LRP1B: variants seen among roughly 807,000 people sequenced by gnomAD.
The protein encoded by LRP1B is low-density lipoprotein receptor-related protein 1B.
Under a neutral mutation model 556.6 loss-of-function variants are expected in LRP1B, and 217 were observed. The ratio of observed to expected loss-of-function variants is 0.39; its 90% CI spans 0.35 to 0.44. The LOEUF is 0.44. Ranked by LOEUF, LRP1B falls within the 20% of genes least tolerant of loss-of-function variation. The pLI, the probability that LRP1B is intolerant of heterozygous loss-of-function variation, is 1.00. For synonymous variants in LRP1B, 2,047 were observed against 1,865.8 expected, an observed-to-expected ratio of 1.10 and a Z score of -2.50; for missense variants, 5,053 against 5,620.8, an observed-to-expected ratio of 0.90 and a Z score of 3.23.
intron 31 of LRP1B, among the ~76,000 whole-genome samples, chr2:140,835,515 A>G (rs115285640): frequency 0.011 from 1,700 of 152,016 alleles, 41 homozygotes; most frequent in African/African-American, 0.039. Flanking sequence ...CTTCAGTCAC[A>G]TTGCTCTTTT....
At position 140,270,356 on chromosome 2, in the gene LRP1B, CAA is replaced by C; in HGVS notation, c.13143-12_13143-11del. The stretch of plus-strand genomic sequence containing the variant: ...CTTTCCATTAGTGCAGCTGCAACAA[CAA>C]AGAAAAAAAGAACAATTTCATTGTT... On this transcript the variant is annotated splice_polypyrimidine_tract_variant and intron_variant, in intron 85 of 90. Transcript: ENST00000389484. 1.3e-6 allele frequency: 2 copies of C among 1,560,228 alleles called. No homozygotes were observed.
At chr2:141,443,046 A>G (rs1681045025) in intron 3 of LRP1B, among the ~76,000 whole-genome samples, 1 of 152,118 alleles carries the variant, frequency 6.6e-6, no homozygotes, top group South Asian at 2.1e-4. Flanking sequence ...CACCCCACCA[A>G]CCGTGTAAAA....
chr2:141,573,427 T>C (rs1686608241), intron 2 of LRP1B, among the ~76,000 whole-genome samples: 3 of 152,110 alleles, frequency 2.0e-5, no homozygotes, highest in African/African-American at 7.2e-5. Context: ...CCAGAATTTC[T>C]GGTACACAGC....
At chr2:141,609,213 T>G (rs1029588502) in intron 2 of LRP1B, among the ~76,000 whole-genome samples, 1 of 152,202 alleles carries the variant, frequency 6.6e-6, no homozygotes, top group Non-Finnish European at 1.5e-5. Context: ...CAAATTCAAG[T>G]TACCAACATA....
At chr2:141,389,124 G>A (rs1269657544) in intron 3 of LRP1B, among the ~76,000 whole-genome samples, 1 of 152,014 alleles carries the variant, frequency 6.6e-6, no homozygotes, top group Non-Finnish European at 1.5e-5. Context: ...AAATAGAAAA[G>A]CCAATCCTCA....
At chr2:141,902,050 GAAA>G (rs1558950017) in intron 1 of LRP1B, among the ~76,000 whole-genome samples, 2 of 96,872 alleles carry the variant, frequency 2.1e-5, no homozygotes, top group Non-Finnish European at 4.3e-5. Flanking sequence ...TGATAATCAT[GAAA>G]AAAGAAATAA....
At chr2:141,363,475 A>G (rs2714176) in intron 3 of LRP1B, among the ~76,000 whole-genome samples, 68,040 of 151,954 alleles carry the variant, frequency 0.45, 16,930 homozygotes, top group Non-Finnish European at 0.57. Context: ...TATTTTCGTT[A>G]CTAAATTGAA....
chr2:141,530,219 C>T (rs1684823643), intron 2 of LRP1B, among the ~76,000 whole-genome samples: 1 of 151,982 alleles, frequency 6.6e-6, no homozygotes, highest in Non-Finnish European at 1.5e-5. Flanking sequence ...ATGCCTATAA[C>T]TGTTTTCTAA....
Position 141,921,763 on chromosome 2 carries a change from A to G in LRP1B, c.83-111362T>C, listed in dbSNP as rs1205060541. On this transcript the variant is annotated intron_variant, in intron 1 of 90. Coordinates refer to ENST00000389484, the MANE Select transcript of LRP1B (RefSeq NM_018557.3). ...TATTTCCTATTCTTTAAAACATTATATAATTCAATAGAAAGCAAATATTCC... is the reference window on the plus strand; with the variant it reads ...TATTTCCTATTCTTTAAAACATTATGTAATTCAATAGAAAGCAAATATTCC... Among the ~76,000 whole-genome samples the G allele has an allele frequency of 1.3e-5, 2 of 152,208 alleles. 1 individual carries two copies. Among genetic ancestry groups the G allele is most frequent in the South Asian group, 4.1e-4 (2 of 4,832 alleles).
intron 35 of LRP1B, among the ~76,000 whole-genome samples, chr2:140,742,930 A>G (rs1688189414): frequency 6.6e-6 from 1 of 152,190 alleles, no homozygotes; most frequent in Non-Finnish European, 1.5e-5. Flanking sequence ...TGTATTTAAA[A>G]GGCAAAACGG....
In LRP1B at chr2:140,487,650, T is replaced by A; in HGVS notation, c.9210A>T (p.Ile3070=). ...CACTTCCATTTAAACACATTCTATTTATGCGACTGCCATTGGGTCGGCTAG... is the reference window on the plus strand; with the variant it reads ...CACTTCCATTTAAACACATTCTATTAATGCGACTGCCATTGGGTCGGCTAG... The part of the protein sequence containing the change: ...IDSSRPNGSR[I]NRMCLNGSDI... The change falls in exon 58 of 91, where the codon ATA becomes ATT. Residue 3070 remains isoleucine (I), a synonymous_variant. Coordinates refer to ENST00000389484, the MANE Select transcript of LRP1B (RefSeq NM_018557.3). 1 of 1,608,882 alleles carries A rather than the reference T, an allele frequency of 6.2e-7. No individual in the cohort carries two copies. The highest frequency in any genetic ancestry group is 8.5e-7 in the Non-Finnish European group (1 of 1,176,950).
intron 41 of LRP1B, among the ~76,000 whole-genome samples, chr2:140,667,760 T>G (rs1685330538): frequency 6.6e-6 from 1 of 152,222 alleles, no homozygotes; most frequent in African/African-American, 2.4e-5. Flanking sequence ...CTCCATTCTC[T>G]CAGAATATAC....
At chr2:141,332,129 C>T (rs1297187712) in intron 3 of LRP1B, among the ~76,000 whole-genome samples, 1 of 151,566 alleles carries the variant, frequency 6.6e-6, no homozygotes, top group Admixed American at 6.6e-5. Flanking sequence ...TTGTCTTCTC[C>T]ACTACACTGC....
intron 18 of LRP1B, among the ~76,000 whole-genome samples, chr2:140,980,126 C>A (rs184435527): frequency 5.9e-5 from 9 of 152,042 alleles, no homozygotes; most frequent in Admixed American, 5.9e-4. Flanking sequence ...AAGAGAAAAT[C>A]AGATCAAAGA....
In LRP1B at chr2:140,507,031, A is replaced by G. The variant is rs1689447886; in HGVS notation, c.8399-113T>C. 3 of 1,133,228 alleles carry G rather than the reference A, an allele frequency of 2.6e-6. No homozygotes were observed. The African/African-American group carries it at 4.7e-5, about 18-fold the overall frequency. 70.2% of individuals were successfully genotyped at this position (1,133,228 alleles called of 1,614,324 possible). A position where few individuals can be genotyped will look rare whatever the true frequency, so the allele number is the denominator to read the frequency against. ...TATCCAATAATTCATAGTTACTGAGAAAAAGAAAACTTTGCATAATATTCA... is the reference window on the plus strand; with the variant it reads ...TATCCAATAATTCATAGTTACTGAGGAAAAGAAAACTTTGCATAATATTCA... On this transcript the variant is annotated intron_variant, in intron 52 of 90. Transcript: ENST00000389484.
chr2:141,666,527 CTCT>C (rs1483387789), intron 2 of LRP1B, among the ~76,000 whole-genome samples: 1 of 152,150 alleles, frequency 6.6e-6, no homozygotes, highest in Non-Finnish European at 1.5e-5. Flanking sequence ...TCCACATTAC[CTCT>C]TCTTTTAATC....
At chr2:141,920,074 T>C (rs1018540204) in intron 1 of LRP1B, among the ~76,000 whole-genome samples, 14 of 151,960 alleles carry the variant, frequency 9.2e-5, no homozygotes, top group Non-Finnish European at 2.1e-4. Context: ...AAATTATAGC[T>C]AATATCGACC....
chr2:140,293,251 G>A (rs999716407), intron 84 of LRP1B, among the ~76,000 whole-genome samples: 1 of 152,100 alleles, frequency 6.6e-6, no homozygotes, highest in African/African-American at 2.4e-5. Context: ...AATAACTTCA[G>A]ATATTGGTTA....
rs1688428753 is a variant in LRP1B, at chr2:140,485,504, G to A, written c.9264C>T (p.Val3088=). ...SDIKVVHNTA[V]PNALAVDWIG... ...TCCAATCGACAGCAAGTGCATTGGG[G>A]ACCGCTGTGTTATGAACTACCTACA... Residue 3088 remains valine, a synonymous_variant, in exon 59 of 91, where the codon GTC becomes GTT. Transcript: ENST00000389484. The A allele has an allele frequency of 6.2e-7, 1 of 1,613,448 alleles. No individual in the cohort carries two copies. The highest frequency in any genetic ancestry group is 8.5e-7 in the Non-Finnish European group (1 of 1,179,622).
Sources: allele counts gnomAD v4.1 joint callset (sites outside exome capture counted in the v4.1 genomes callset), GRCh38; gene constraint gnomAD v4.1.1; transcripts MANE v1.5; gene names NCBI Gene and HGNC (gene_info 2026-07-23, HGNC 2026-07-21).